LHFPL6: variants seen among roughly 807,000 people sequenced by gnomAD.
LHFPL6 encodes the protein LHFPL tetraspan subfamily member 6.
In LHFPL6, 9 loss-of-function variants were observed where a neutral mutation model predicts 20.6. The ratio of observed to expected loss-of-function variants is 0.44; its 90% CI spans 0.26 to 0.76. LHFPL6 has a LOEUF of 0.76. Among genes scored for constraint, LHFPL6 ranks in the 30% least tolerant of loss-of-function variants. The probability of loss-of-function intolerance (pLI) is 0.20; values close to 1 mark genes in which losing one functional copy is unlikely to be tolerated. For synonymous variants in LHFPL6, 105 were observed against 98.7 expected (o/e 1.06, Z -0.38); for missense variants, 218 against 253.5 (o/e 0.86, Z 0.95).
intron 3 of LHFPL6, among the ~76,000 whole-genome samples, chr13:39,351,305 C>T (rs1181851849): frequency 6.6e-6 from 1 of 152,150 alleles, no homozygotes; most frequent in Admixed American, 6.5e-5. Context: ...GATCCTTGAT[C>T]TGTTTATACT....
At chr13:39,396,881 G>A (rs528367171) in intron 2 of LHFPL6, among the ~76,000 whole-genome samples, 7 of 152,164 alleles carry the variant, frequency 4.6e-5, no homozygotes, top group Non-Finnish European at 7.4e-5. Context: ...TTGGAGTCAC[G>A]CTGCTTTAAG....
At chr13:39,550,882 G>C (rs1871129009) in intron 2 of LHFPL6, among the ~76,000 whole-genome samples, 1 of 152,102 alleles carries the variant, frequency 6.6e-6, no homozygotes, top group Non-Finnish European at 1.5e-5. Flanking sequence ...TAGGAAAGTT[G>C]TATTTTTTTA....
At chr13:39,492,125 AAATGAATGAGTT>A (rs1868945262) in intron 2 of LHFPL6, among the ~76,000 whole-genome samples, 1 of 152,234 alleles carries the variant, frequency 6.6e-6, no homozygotes, top group Admixed American at 6.5e-5. Flanking sequence ...GTGAATGACT[AAATGAATGAGTT>A]AATGAATGAG....
chr13:39,369,600 TCCC>T (rs748536883), intron 3 of LHFPL6, among the ~76,000 whole-genome samples: 244 of 32,010 alleles, frequency 7.6e-3, no homozygotes, highest in Middle Eastern at 0.018. Context: ...CCTTCCTTCC[TCCC>T]TCTCTCCCTC....
In LHFPL6 at chr13:39,601,580, G is replaced by A. The variant is rs151187060; in HGVS notation, c.-174-190C>T. Among the ~76,000 whole-genome samples the A allele has an allele frequency of 1.2e-4, 18 of 152,200 alleles. No homozygotes were observed. In the East Asian group the frequency reaches 2.5e-3, roughly 21 times the overall value. The stretch of plus-strand genomic sequence containing the variant: ...TCAAACCAGCTCAAAGCTTTTTCAT[G>A]TCTTTATCTTCCGTAAATATTTCCA... On this transcript the variant is annotated intron_variant, in intron 1 of 3. Transcript: ENST00000379589.
chr13:39,352,939 G>GTATATATATATAAA (rs1415406896), intron 3 of LHFPL6, among the ~76,000 whole-genome samples: 3 of 49,086 alleles, frequency 6.1e-5, no homozygotes, highest in East Asian at 2.2e-3. Context: ...ATATATATGT[G>GTATATATATATAAA]TGTATATATA....
rs536811654 is a variant in LHFPL6 at position 39,409,652 on chromosome 13, G to T, written c.386-31126C>A. On this transcript the variant is annotated intron_variant, in intron 2 of 3. Transcript: ENST00000379589. ...CACAGTACACAAATTTGACATGACAGTTCAATATATGCACTTACTTCTTAT... is the reference window on the plus strand; with the variant it reads ...CACAGTACACAAATTTGACATGACATTTCAATATATGCACTTACTTCTTAT... 2.6e-5 allele frequency among the ~76,000 whole-genome samples: 4 copies of T among 152,122 alleles called. No homozygotes were observed. In the South Asian group the frequency reaches 8.3e-4, roughly 32 times the overall value.
chr13:39,596,595 AG>A (rs1872777760), intron 2 of LHFPL6, among the ~76,000 whole-genome samples: 3 of 152,058 alleles, frequency 2.0e-5, no homozygotes, highest in Non-Finnish European at 4.4e-5. Flanking sequence ...CTTCTATCAT[AG>A]GTTAGAGTGA....
At chr13:39,549,452 A>G (rs988456528) in intron 2 of LHFPL6, among the ~76,000 whole-genome samples, 1 of 152,178 alleles carries the variant, frequency 6.6e-6, no homozygotes, top group Non-Finnish European at 1.5e-5. Context: ...GATACAACAC[A>G]AAAACCACAA....
intron 2 of LHFPL6, among the ~76,000 whole-genome samples, chr13:39,384,531 T>C (rs1377313853): frequency 6.6e-6 from 1 of 152,254 alleles, no homozygotes; most frequent in Non-Finnish European, 1.5e-5. Flanking sequence ...TAGCCCATGT[T>C]GTGGAAATCA....
At chr13:39,568,031 A>G (rs1345676811) in intron 2 of LHFPL6, among the ~76,000 whole-genome samples, 1 of 152,258 alleles carries the variant, frequency 6.6e-6, no homozygotes, top group Non-Finnish European at 1.5e-5. Context: ...CACTACAGGA[A>G]GAACTAGAAC....
intron 2 of LHFPL6, among the ~76,000 whole-genome samples, chr13:39,463,391 T>C (rs1209480108): frequency 2.0e-5 from 3 of 149,160 alleles, no homozygotes; most frequent in East Asian, 2.1e-4. Flanking sequence ...TTTATTCTAC[T>C]AGTTTTTATA....
In LHFPL6 at chr13:39,476,788, G is replaced by A. The variant is rs528903100; in HGVS notation, c.386-98262C>T. 2.5e-4 allele frequency among the ~76,000 whole-genome samples: 38 copies of A among 152,210 alleles called. 1 individual carries two copies. The South Asian group carries it at 7.9e-3, about 32-fold the overall frequency. ...TACTCAATAATCTAAAACCTGTGAG[G>A]AGCCTCCTCCCTTCAAGATGATGGC... On this transcript the variant is annotated intron_variant, in intron 2 of 3. Transcript: ENST00000379589.
At chr13:39,570,174 G>A (rs916432396) in intron 2 of LHFPL6, among the ~76,000 whole-genome samples, 3 of 152,020 alleles carry the variant, frequency 2.0e-5, no homozygotes, top group Admixed American at 1.3e-4. Context: ...ACAGGGTCTT[G>A]CTCTGTCACC....
At chr13:39,449,224 G>C (rs1053365791) in intron 2 of LHFPL6, among the ~76,000 whole-genome samples, 3 of 152,226 alleles carry the variant, frequency 2.0e-5, no homozygotes, top group African/African-American at 7.2e-5. Context: ...TTTCACGACA[G>C]TTACTTGAAA....
intron 2 of LHFPL6, among the ~76,000 whole-genome samples, chr13:39,537,427 A>G (rs949866509): frequency 4.6e-5 from 7 of 152,374 alleles, no homozygotes; most frequent in African/African-American, 1.4e-4. Flanking sequence ...TGCCTCTGGC[A>G]GATTTATCCT....
chr13:39,556,666 T>G (rs1871312084), intron 2 of LHFPL6, among the ~76,000 whole-genome samples: 1 of 152,086 alleles, frequency 6.6e-6, no homozygotes, highest in South Asian at 2.1e-4. Flanking sequence ...GAATTTATAT[T>G]TAAAGAGAAA....
At chr13:39,503,234 A>G (rs1869356486) in intron 2 of LHFPL6, among the ~76,000 whole-genome samples, 1 of 152,172 alleles carries the variant, frequency 6.6e-6, no homozygotes, top group Non-Finnish European at 1.5e-5. Flanking sequence ...TCACAAAGGC[A>G]CTAGCCTCCC....
intron 2 of LHFPL6, among the ~76,000 whole-genome samples, chr13:39,486,949 C>T (rs1400535069): frequency 6.6e-6 from 1 of 152,186 alleles, no homozygotes; most frequent in Non-Finnish European, 1.5e-5. Context: ...ACAGAGACTT[C>T]AGCACAAATG....
Sources: allele counts gnomAD v4.1 joint callset (sites outside exome capture counted in the v4.1 genomes callset), GRCh38; gene constraint gnomAD v4.1.1; transcripts MANE v1.5; gene names NCBI Gene and HGNC (gene_info 2026-07-23, HGNC 2026-07-21).